The following PLAT variants were observed in gnomAD, a reference collection of about 807,000 sequenced individuals.
PLAT encodes plasminogen activator, tissue type.
PLAT carries 48 observed loss-of-function variants against 74.9 expected under a neutral mutation model. The observed-to-expected ratio is 0.64, with a 90% CI of 0.51 to 0.82. The LOEUF is 0.82. Ranked by LOEUF, PLAT falls within the 40% of genes least tolerant of loss-of-function variation. The probability of loss-of-function intolerance (pLI) is 0.00; values close to 1 mark genes in which losing one functional copy is unlikely to be tolerated. For synonymous variants in PLAT, 307 were observed against 294.4 expected, an observed-to-expected ratio of 1.04 and a Z score of -0.44; for missense variants, 673 against 736.2, an observed-to-expected ratio of 0.91 and a Z score of 0.99.
At position 42,180,286 on chromosome 8, in the gene PLAT, A is replaced by G. The variant is rs751671151; in HGVS notation, c.1178T>C (p.Ile393Thr). 1.4e-5 allele frequency: 22 copies of G among 1,614,072 alleles called. No individual in the cohort carries two copies. The highest frequency in any genetic ancestry group is 6.7e-5 in the Admixed American group (4 of 60,006). Residue 393 changes from isoleucine (I) to threonine (T), a missense_variant, in exon 11 of 14, where the codon ATT (isoleucine) becomes ACT (threonine). Transcript: ENST00000220809. ...GTCATCATCGAATTCCTTATGGACAATGTATTTTTCGACTTCAAATTTCTG... is the reference window on the plus strand; with the variant it reads ...GTCATCATCGAATTCCTTATGGACAGTGTATTTTTCGACTTCAAATTTCTG... ...EEQKFEVEKY[I>T]VHKEFDDDTY...
rs140181778 is a variant in PLAT at position 42,191,369 on chromosome 8, G to T, written c.115+3C>A. 1.6e-5 allele frequency: 26 copies of T among 1,613,830 alleles called. No individual in the cohort carries two copies. In the African/African-American group the frequency reaches 3.2e-4, roughly 20 times the overall value. On this transcript the variant is annotated splice_donor_region_variant and intron_variant, in intron 3 of 13. Transcript: ENST00000220809. ...CCCCATGCACCCCTCAGCTTCACCC[G>T]ACCTTGGTAAGATCTGGCTCCTCTT...
intron 1 of PLAT, among the ~76,000 whole-genome samples, chr8:42,195,390 G>A (rs578078591): frequency 1.3e-5 from 2 of 152,280 alleles, no homozygotes; most frequent in Admixed American, 1.3e-4. Flanking sequence ...CAGCTCAGAG[G>A]GAGGCTCGCC....
intron 1 of PLAT, 24 bp from the exon 2 acceptor site, chr8:42,193,235 T>C (rs764086836): frequency 2.0e-6 from 3 of 1,483,062 alleles, no homozygotes; most frequent in Admixed American, 1.7e-5. Context: ...AAAAACAGCT[T>C]GATCACGGGG....
Position 42,179,048 on chromosome 8 carries a change from G to C in PLAT, c.1379C>G (p.Ser460Trp). 1 of 1,611,126 alleles carries C rather than the reference G, an allele frequency of 6.2e-7. No individual in the cohort carries two copies. The highest frequency in any genetic ancestry group is 8.5e-7 in the Non-Finnish European group (1 of 1,177,482). ...GKHEALSPFY[S>W]ERLKEAHVRL... is the part of the protein sequence containing the mutation. ...GACATGAGCCTCCTTCAGCCGCTCC[G>C]AATAGAAAGGAGACACTGAAAGGGG... Residue 460 changes from serine to tryptophan, a missense_variant, in exon 13 of 14, where the codon TCG (serine) becomes TGG (tryptophan). Coordinates refer to ENST00000220809, the MANE Select transcript of PLAT (RefSeq NM_000930.5).
Position 42,193,226 on chromosome 8 carries a change from A to G in PLAT, c.-26-15T>C. 3 of 1,549,110 alleles carry G rather than the reference A, an allele frequency of 1.9e-6. No individual in the cohort carries two copies. In the Admixed American group the frequency reaches 5.0e-5, roughly 26 times the overall value. On this transcript the variant is annotated splice_polypyrimidine_tract_variant and intron_variant, in intron 1 of 13. Transcript: ENST00000220809. ...TCCCTTAAATTCTGGAAGGAGAGAA[A>G]AAACAGCTTGATCACGGGGTGCGAG...
At chr8:42,187,357 C>A in intron 6 of PLAT, 41 bp downstream of exon 6, 2 of 1,502,046 alleles carry the variant, frequency 1.3e-6, no homozygotes, top group Admixed American at 3.9e-5. Flanking sequence ...GCTGTAGCAG[C>A]TTCTCACAGG....
At chr8:42,182,064 A>C (rs779971615) in intron 8 of PLAT, 42 bp from the exon 9 acceptor site, 11 of 1,287,184 alleles carry the variant, frequency 8.5e-6, no homozygotes, top group African/African-American at 1.5e-5. Context: ...TTATCTTCTT[A>C]TTTTTTAATT....
chr8:42,195,131 G>A lies in PLAT; in HGVS notation c.-26-1920C>T, dbSNP rs563030652. Among the ~76,000 whole-genome samples, 15 of 107,738 alleles carry A rather than the reference G, an allele frequency of 1.4e-4. No individual in the cohort carries two copies. In the East Asian group the frequency reaches 1.7e-3, roughly 12 times the overall value. The allele number at this position is 107,738 out of a possible 152,430, so 70.7% of individuals were successfully genotyped here. ...CCCACCCTCCCCCTCCCCCTCCCCC[G>A]AGCGTCCTAGGGGCCTGGAGGCACA... On this transcript the variant is annotated intron_variant, in intron 1 of 13. Transcript: ENST00000220809.
intron 1 of PLAT, chr8:42,195,724 T>G (rs1805880807): frequency 6.6e-6 from 1 of 152,220 alleles, no homozygotes; most frequent in Non-Finnish European, 1.5e-5. Context: ...TAAATTCCCC[T>G]TTTAAATTTT....
intron 13 of PLAT, 143 bp downstream of exon 13, chr8:42,178,754 C>T: frequency 1.4e-6 from 1 of 719,340 alleles, no homozygotes; most frequent in Non-Finnish European, 2.3e-6. Context: ...TTCTGTGAGG[C>T]CCTCATCTAG....
At chr8:42,182,555 T>G (rs1805290833) in intron 8 of PLAT, 164 bp downstream of exon 8, 1 of 552,498 alleles carries the variant, frequency 1.8e-6, no homozygotes, top group African/African-American at 1.9e-5. Flanking sequence ...CTTTTCACAA[T>G]ATGTGTTATT....
chr8:42,179,113 G>T (rs757853131), intron 12 of PLAT, 50 bp from the exon 13 acceptor site: 12 of 1,474,866 alleles, frequency 8.1e-6, no homozygotes, highest in Admixed American at 4.0e-5. Flanking sequence ...ATTTATAAAC[G>T]TTTTTGAAAG....
chr8:42,188,926 G>T lies in PLAT; in HGVS notation c.253+8C>A. ...AGGCATGCACCACCTCCCAGCCTCA[G>T]TACATACTTTTGACAGGCACTGAGT... is the stretch of plus-strand genomic sequence containing the variant. On this transcript the variant is annotated splice_region_variant and intron_variant, in intron 4 of 13. Transcript: ENST00000220809. 1 of 1,611,522 alleles carries T rather than the reference G, an allele frequency of 6.2e-7. No homozygotes were observed.
intron 13 of PLAT, among the ~76,000 whole-genome samples, chr8:42,177,211 C>T (rs1375359148): frequency 6.6e-6 from 1 of 152,236 alleles, no homozygotes; most frequent in African/African-American, 2.4e-5. Flanking sequence ...CCTTCCTCAG[C>T]CTCTCAAAGT....
intron 1 of PLAT, among the ~76,000 whole-genome samples, chr8:42,197,532 A>C (rs1805954616): frequency 6.6e-6 from 1 of 152,162 alleles, no homozygotes; most frequent in African/African-American, 2.4e-5. Context: ...GAAATTGATG[A>C]TCATGCCAAC....
rs761915480 is a variant in PLAT at position 42,180,565 on chromosome 8, C to T, written c.1010G>A (p.Gly337Glu). ...TATGCCCCCGCACAGGAACCGCTCTCCGGGCGACCTCCTGTGCTTGGCAAA... is the reference window on the plus strand; with the variant it reads ...TATGCCCCCGCACAGGAACCGCTCTTCGGGCGACCTCCTGTGCTTGGCAAA... Reference protein sequence around the residue: ...AIFAKHRRSPGERFLCGGILI... With the variant: ...AIFAKHRRSPEERFLCGGILI... Residue 337 changes from glycine to glutamate, a missense_variant, in exon 10 of 14, where the codon GGA becomes GAA. Gly to Glu is a moderately conservative substitution (Grantham distance 98). Transcript: ENST00000220809. The T allele has an allele frequency of 6.2e-7, 1 of 1,614,176 alleles. No homozygotes were observed. The highest frequency in any genetic ancestry group is 2.2e-5 in the East Asian group (1 of 44,884).
chr8:42,179,918 C>T lies in PLAT; in HGVS notation c.1363+8G>A, dbSNP rs1471188495. On this transcript the variant is annotated splice_region_variant and intron_variant, in intron 12 of 13. Transcript: ENST00000220809. ...GACAGGATGGGGCCGAGACTTCCTT[C>T]CACTTACAGGCCTCATGCTTGCCGT... The T allele has an allele frequency of 6.3e-7, 1 of 1,576,656 alleles. No homozygotes were observed. The highest frequency in any genetic ancestry group is 8.6e-7 in the Non-Finnish European group (1 of 1,157,740).
chr8:42,185,323 G>C (rs1468000022), intron 6 of PLAT, 151 bp from the exon 7 acceptor site: 6 of 466,846 alleles, frequency 1.3e-5, no homozygotes, highest in Non-Finnish European at 2.3e-5. Context: ...GGAGTGCAGC[G>C]GCGCATCTCC....
intron 9 of PLAT, among the ~76,000 whole-genome samples, chr8:42,181,574 A>G (rs1408420495): frequency 2.0e-5 from 3 of 152,286 alleles, no homozygotes; most frequent in African/African-American, 4.8e-5. Flanking sequence ...CTGTTGGACA[A>G]ATGTGGTGAA....
Sources: gnomAD v4.1 joint callset for allele counts (sites outside exome capture counted in the v4.1 genomes callset) on GRCh38, gnomAD v4.1.1 for gene constraint, MANE v1.5 for transcripts, NCBI Gene and HGNC (gene_info 2026-07-23, HGNC 2026-07-21) for gene names.